The following FRMPD4 variants were observed in gnomAD, a reference collection of about 807,000 sequenced individuals.
The protein encoded by FRMPD4 is FERM and PDZ domain-containing protein 4.
In FRMPD4, 22 loss-of-function variants were observed where a neutral mutation model predicts 94.1. The observed-to-expected ratio is 0.23, with a 90% confidence interval of 0.17 to 0.33. The LOEUF (loss-of-function observed/expected upper bound fraction) is 0.33. Ranked by LOEUF, FRMPD4 falls within the 10% of genes least tolerant of loss-of-function variation. The pLI is 1.00. For synonymous variants in FRMPD4, 631 were observed against 548.6 expected (o/e 1.15, Z -2.10); for missense variants, 1,111 against 1,339.9 (o/e 0.83, Z 2.67).
chrX:12,391,293 G>T (rs1219407540), intron 1 of FRMPD4, among the ~76,000 whole-genome samples: 4 of 111,887 alleles, frequency 3.6e-5, no homozygotes, highest in Non-Finnish European at 7.5e-5. Context: ...TGTCAAGAAA[G>T]AAATAGCTTC....
At chrX:12,636,307 GT>G (rs1287096804) in intron 4 of FRMPD4, among the ~76,000 whole-genome samples, 1 of 110,871 alleles carries the variant, frequency 9.0e-6, no homozygotes, top group East Asian at 2.8e-4. Flanking sequence ...TTTTTTTAAA[GT>G]TTTTTGTCCT....
chrX:12,707,585 C>T lies in FRMPD4; in HGVS notation c.1404C>T (p.Asn468=). 1 of 1,210,867 alleles carries T rather than the reference C, an allele frequency of 8.3e-7. No individual in the cohort carries two copies. The highest frequency in any genetic ancestry group is 1.1e-6 in the Non-Finnish European group (1 of 894,650). ...VALLADFSHV[N]RIEMFSEEES... is the part of the protein sequence containing the mutation. The stretch of plus-strand genomic sequence containing the variant: ...TTTTAGCCGACTTTAGCCACGTCAA[C>T]AGGATCGAAATGTTTTCCGAGGAGG... Residue 468 remains asparagine, a synonymous_variant, in exon 13 of 17, where the codon AAC becomes AAT. Coordinates refer to ENST00000675598, the MANE Select transcript of FRMPD4 (RefSeq NM_001368397.1).
intron 3 of FRMPD4, among the ~76,000 whole-genome samples, chrX:12,048,251 G>A (rs2054796814): frequency 8.9e-6 from 1 of 112,264 alleles, no homozygotes; most frequent in African/African-American, 3.2e-5. Context: ...CTGGTTATTA[G>A]TGATGTGGAT....
chrX:12,278,740 TG>T (rs1332217300), intron 1 of FRMPD4, among the ~76,000 whole-genome samples: 2 of 110,906 alleles, frequency 1.8e-5, no homozygotes, highest in Non-Finnish European at 3.8e-5. Flanking sequence ...TGGCCGGAAG[TG>T]GTGGGGAGTT....
chrX:11,826,203 T>C (rs1400154479), intron 1 of FRMPD4, among the ~76,000 whole-genome samples: 1 of 112,060 alleles, frequency 8.9e-6, no homozygotes, highest in Admixed American at 9.5e-5. Flanking sequence ...TTGCCAAAGA[T>C]TGAAATAGTC....
At chrX:12,286,064 GTTCTT>G (rs770519315) in intron 1 of FRMPD4, among the ~76,000 whole-genome samples, 17 of 111,829 alleles carry the variant, frequency 1.5e-4, no homozygotes, top group African/African-American at 2.6e-4. Context: ...TTCCATGATG[GTTCTT>G]TTCTTTTCTT....
chrX:12,237,866 G>A (rs1206076442), intron 1 of FRMPD4, among the ~76,000 whole-genome samples: 1 of 112,467 alleles, frequency 8.9e-6, no homozygotes, highest in Non-Finnish European at 1.9e-5. Flanking sequence ...GGTTTAAGAA[G>A]CGAAGCAACA....
chrX:11,991,351 A>G (rs2054462828), intron 3 of FRMPD4, among the ~76,000 whole-genome samples: 1 of 111,707 alleles, frequency 9.0e-6, no homozygotes, highest in Non-Finnish European at 1.9e-5. Flanking sequence ...CACTTCCATA[A>G]TTAGTCCATG....
At chrX:12,696,390 A>G (rs1421585939) in intron 9 of FRMPD4, among the ~76,000 whole-genome samples, 1 of 110,717 alleles carries the variant, frequency 9.0e-6, no homozygotes, top group African/African-American at 3.3e-5. Flanking sequence ...AGGTGTTCCT[A>G]TATTTTACTA....
intron 3 of FRMPD4, among the ~76,000 whole-genome samples, chrX:11,989,886 G>A (rs965293393): frequency 6.3e-5 from 7 of 111,894 alleles, no homozygotes; most frequent in Non-Finnish European, 1.3e-4. Context: ...CAGCCAGTAA[G>A]GAAAGGAGTT....
chrX:12,442,688 T>G (rs758753711), intron 1 of FRMPD4, among the ~76,000 whole-genome samples: 21 of 111,724 alleles, frequency 1.9e-4, no homozygotes, highest in South Asian at 1.5e-3. Context: ...CCTCAAAATG[T>G]TACACAGAGA....
chrX:12,454,644 G>GAC (rs1361266502), intron 1 of FRMPD4, among the ~76,000 whole-genome samples: 1 of 109,761 alleles, frequency 9.1e-6, no homozygotes, highest in African/African-American at 3.3e-5. Context: ...TTAATTTTTA[G>GAC]ACATACTGGT....
intron 1 of FRMPD4, among the ~76,000 whole-genome samples, chrX:12,211,098 A>G (rs928725003): frequency 8.9e-6 from 1 of 112,350 alleles, no homozygotes; most frequent in Non-Finnish European, 1.9e-5. Flanking sequence ...CAACAACTCC[A>G]TGTAATATGA....
chrX:12,650,164 G>A (rs780056216), intron 4 of FRMPD4, among the ~76,000 whole-genome samples: 1 of 112,424 alleles, frequency 8.9e-6, no homozygotes, highest in African/African-American at 3.2e-5. Flanking sequence ...CACGGGAAGT[G>A]ATATACGGGA....
chrX:12,058,091 G>A (rs2054864710), intron 3 of FRMPD4, among the ~76,000 whole-genome samples: 1 of 111,556 alleles, frequency 9.0e-6, no homozygotes, highest in African/African-American at 3.3e-5. Flanking sequence ...GAAAATTAAT[G>A]GTCTTGCAGA....
chrX:12,168,970 T>C (rs2056174587), intron 1 of FRMPD4, among the ~76,000 whole-genome samples: 1 of 112,137 alleles, frequency 8.9e-6, no homozygotes, highest in Non-Finnish European at 1.9e-5. Flanking sequence ...ACAGAGTTTC[T>C]TTCATCTTCT....
intron 1 of FRMPD4, among the ~76,000 whole-genome samples, chrX:12,393,364 GTCTTT>G (rs2056502545): frequency 8.9e-6 from 1 of 111,940 alleles, no homozygotes; most frequent in Non-Finnish European, 1.9e-5. Context: ...ATCATCTTTT[GTCTTT>G]TATTTCTATT....
intron 1 of FRMPD4, among the ~76,000 whole-genome samples, chrX:11,823,644 G>A (rs1271518133): frequency 8.9e-6 from 1 of 111,879 alleles, no homozygotes; most frequent in Non-Finnish European, 1.9e-5. Context: ...CCACTCTGCT[G>A]TTGTAGCACG....
At chrX:11,841,503 G>T (rs1479947057) in intron 1 of FRMPD4, among the ~76,000 whole-genome samples, 1 of 108,265 alleles carries the variant, frequency 9.2e-6, no homozygotes, top group African/African-American at 3.4e-5. Context: ...GCCAGTGATG[G>T]TGAGCATTTT....
Sources: allele counts gnomAD v4.1 joint callset (sites outside exome capture counted in the v4.1 genomes callset), GRCh38; gene constraint gnomAD v4.1.1; transcripts MANE v1.5; gene names NCBI Gene and HGNC (gene_info 2026-07-23, HGNC 2026-07-21).